Variants in TRIM37 observed in about 807,000 individuals in gnomAD.
The protein encoded by TRIM37 is tripartite motif containing 37, also known as E3 ubiquitin-protein ligase TRIM37.
Under a neutral mutation model 129.8 loss-of-function variants are expected in TRIM37, and 80 were observed. The observed-to-expected ratio is 0.62, with a 90% CI of 0.51 to 0.74. TRIM37 has a LOEUF of 0.74. Ranked by LOEUF, TRIM37 falls within the 30% of genes least tolerant of loss-of-function variation. The probability of loss-of-function intolerance (pLI) is 0.00; values close to 1 mark genes in which losing one functional copy is unlikely to be tolerated. For missense variants in TRIM37, 1,054 were observed against 1,176.5 expected, an observed-to-expected ratio of 0.90 and a Z score of 1.52; for synonymous variants, 389 against 387.1, an observed-to-expected ratio of 1.00 and a Z score of -0.06.
chr17:59,010,695 G>C (rs918721569), intron 22 of TRIM37, among the ~76,000 whole-genome samples: 3 of 151,942 alleles, frequency 2.0e-5, no homozygotes, highest in African/African-American at 7.2e-5. Context: ...GTGTCACTAT[G>C]TTTGCCAGGC....
In TRIM37 at chr17:59,106,791, G is replaced by T. The variant is rs1321167790; in HGVS notation, c.-330C>A. ...GCGGGCGCGCGCCTATGGAACTGACGGTGGAGTTCAGCGAAGAAGGTGCCG... is the reference window on the plus strand; with the variant it reads ...GCGGGCGCGCGCCTATGGAACTGACTGTGGAGTTCAGCGAAGAAGGTGCCG... On this transcript the variant is annotated 5_prime_UTR_variant, in exon 1 of 24. Coordinates refer to ENST00000262294, the MANE Select transcript of TRIM37 (RefSeq NM_015294.6). 3.7e-6 allele frequency: 2 copies of T among 538,582 alleles called. No individual in the cohort carries two copies. The highest frequency in any genetic ancestry group is 3.2e-5 in the Admixed American group (1 of 31,032). The allele number at this position is 538,582 out of a possible 1,614,324, so 33.4% of individuals were successfully genotyped here. A position where few individuals can be genotyped will look rare whatever the true frequency, so the allele number is the denominator to read the frequency against.
chr17:59,065,338 T>C (rs966292951), intron 9 of TRIM37, among the ~76,000 whole-genome samples: 8 of 152,212 alleles, frequency 5.3e-5, no homozygotes, highest in African/African-American at 1.9e-4. Context: ...TCAAATACTT[T>C]GAAACTATTT....
the TRIM37 span, among the ~76,000 whole-genome samples, chr17:58,976,515 T>A: frequency 6.6e-6 from 1 of 152,208 alleles, no homozygotes; most frequent in Admixed American, 6.5e-5. Flanking sequence ...AGGAAAGAAA[T>A]GATACTTATA....
At chr17:59,080,004 C>G in intron 6 of TRIM37, 127 bp from the exon 7 acceptor site, 1 of 1,047,150 alleles carries the variant, frequency 9.5e-7, no homozygotes, top group Non-Finnish European at 1.4e-6. Context: ...ATGGAAATGA[C>G]CCAACTTGCT....
rs773052034 is a variant in TRIM37 at position 59,091,307 on chromosome 17, G to A, written c.157C>T (p.His53Tyr). ...TCGTAAGGAAACACTTACCGGCAAT[G>A]AGGACATTGAGCTCTCTGCTCTGTC... ...WLTEQRAQCPHCRAPLQLREL... is the reference protein window; with the variant it reads ...WLTEQRAQCPYCRAPLQLREL... The change falls in exon 3 of 24, where the codon CAT becomes TAT. Residue 53 changes from histidine to tyrosine, a missense_variant. Around this residue, in one of 3 missense-constraint regions of TRIM37, gnomAD observed 752 missense variants for 870.8 expected, o/e 0.86. Coordinates refer to ENST00000262294, the MANE Select transcript of TRIM37 (RefSeq NM_015294.6). 4.4e-6 allele frequency: 7 copies of A among 1,584,912 alleles called. No homozygotes were observed. The highest frequency in any genetic ancestry group is 5.2e-6 in the Non-Finnish European group (6 of 1,163,270).
At chr17:59,009,443 C>CA (rs751836055) in intron 22 of TRIM37, among the ~76,000 whole-genome samples, 1 of 107,622 alleles carries the variant, frequency 9.3e-6, no homozygotes, top group Non-Finnish European at 2.0e-5. Context: ...AATTTCTTTT[C>CA]TTTTTTTTTT....
intron 13 of TRIM37, among the ~76,000 whole-genome samples, chr17:59,051,872 A>G (rs1428434227): frequency 2.0e-5 from 3 of 151,760 alleles, no homozygotes; most frequent in Non-Finnish European, 4.4e-5. Flanking sequence ...CTGGGACTAC[A>G]GGCGCCCGCC....
intron 2 of TRIM37, among the ~76,000 whole-genome samples, chr17:59,099,593 T>A (rs140413190): frequency 6.6e-6 from 1 of 152,076 alleles, no homozygotes; most frequent in East Asian, 1.9e-4. Flanking sequence ...AAAGACAACA[T>A]ATGGATGGTA....
chr17:59,004,444 AAAT>A (rs2034203803), intron 22 of TRIM37, among the ~76,000 whole-genome samples: 1 of 152,108 alleles, frequency 6.6e-6, no homozygotes, highest in African/African-American at 2.4e-5. Flanking sequence ...AAAAGGAAGG[AAAT>A]AATAAAAAAC....
Position 59,057,071 on chromosome 17 carries a change from G to C in TRIM37, c.1020-17C>G, listed in dbSNP as rs753997474. ...TATTCATATCTAAAATTGAAAAACA[G>C]ACCATTACTATACAGTTAGTAAAGT... On this transcript the variant is annotated splice_polypyrimidine_tract_variant and intron_variant, in intron 12 of 23. Coordinates refer to ENST00000262294, the MANE Select transcript of TRIM37 (RefSeq NM_015294.6). The C allele has an allele frequency of 4.3e-6, 7 of 1,609,696 alleles. No individual in the cohort carries two copies. Among genetic ancestry groups the C allele is most frequent in the South Asian group, 3.3e-5 (3 of 90,946 alleles).
chr17:59,091,376 C>A, intron 2 of TRIM37, 36 bp from the exon 3 acceptor site: 1 of 1,297,254 alleles, frequency 7.7e-7, no homozygotes, highest in Non-Finnish European at 1.1e-6. Flanking sequence ...GATTAGAAAA[C>A]ATCATTACTA....
At chr17:59,005,447 C>T (rs865858446) in intron 22 of TRIM37, among the ~76,000 whole-genome samples, 1 of 152,112 alleles carries the variant, frequency 6.6e-6, no homozygotes, top group South Asian at 2.1e-4. Flanking sequence ...CCACACCCAG[C>T]TAATTTTTTT....
intron 18 of TRIM37, among the ~76,000 whole-genome samples, chr17:59,031,662 A>T (rs1270882922): frequency 6.6e-6 from 1 of 152,264 alleles, no homozygotes; most frequent in East Asian, 1.9e-4. Flanking sequence ...AAATCTGAGT[A>T]GCAAGTCACA....
chr17:59,013,384 T>G (rs1292556378), intron 21 of TRIM37, among the ~76,000 whole-genome samples: 1 of 152,178 alleles, frequency 6.6e-6, no homozygotes, highest in Non-Finnish European at 1.5e-5. Context: ...TGATCTCAAG[T>G]GATCTGCCCA....
Position 59,001,615 on chromosome 17 carries a change from G to C in TRIM37, c.2795C>G (p.Thr932Arg). ...TGCTGCACCTTCATCCGGGGGCTGT[G>C]TCATGACCATGAAGGAGTCGTGAAA... ...GGFHDSFMVM[T>R]QPPDEDTHSS... Residue 932 changes from threonine (T) to arginine (R), a missense_variant, in exon 23 of 24, where the codon ACA becomes AGA. This residue lies in a region of TRIM37 where 287 missense variants were observed against 274.3 expected (regional missense o/e 1.05). Transcript: ENST00000262294. 1 of 1,614,070 alleles carries C rather than the reference G, an allele frequency of 6.2e-7. No individual in the cohort carries two copies. The highest frequency in any genetic ancestry group is 1.1e-5 in the South Asian group (1 of 91,082).
At chr17:58,980,735 A>C, downstream of TRIM37, 1 of 1,614,190 alleles carries the variant, frequency 6.2e-7, no homozygotes, top group Non-Finnish European at 8.5e-7. The surrounding 1 kb of genome is among the most constrained non-coding windows in gnomAD (Gnocchi z 4.7). Flanking sequence ...TGAACAGTTC[A>C]AATCCCCGGG....
At chr17:59,011,243 A>T (rs1187970154) in intron 22 of TRIM37, among the ~76,000 whole-genome samples, 1 of 152,144 alleles carries the variant, frequency 6.6e-6, no homozygotes, top group Non-Finnish European at 1.5e-5. Flanking sequence ...CAATCATAAT[A>T]TTTCTTTCTT....
At chr17:58,995,405 A>G (rs1354576241), downstream of TRIM37, among the ~76,000 whole-genome samples, 1 of 139,356 alleles carries the variant, frequency 7.2e-6, no homozygotes, top group Non-Finnish European at 1.6e-5. Flanking sequence ...AGAAATGCTT[A>G]AAAAAAAAAA....
At chr17:59,099,472 T>C (rs537613001) in intron 2 of TRIM37, among the ~76,000 whole-genome samples, 1 of 152,186 alleles carries the variant, frequency 6.6e-6, no homozygotes, top group East Asian at 1.9e-4. Context: ...TTGTATAACA[T>C]TATGAATGTA....
Sources: gnomAD v4.1 joint callset for allele counts (sites outside exome capture counted in the v4.1 genomes callset) on GRCh38, gnomAD v4.1.1 for gene constraint, gnomAD v4.1.1 regional missense constraint, Gnocchi (gnomAD v3.1) non-coding constraint, MANE v1.5 for transcripts, NCBI Gene and HGNC (gene_info 2026-07-23, HGNC 2026-07-21) for gene names.